Variants in WRAP73 observed in about 807,000 individuals in gnomAD.
WRAP73 encodes the protein WD repeat containing, antisense to TP73, also known as WD repeat-containing protein WRAP73.
In WRAP73, 55 loss-of-function variants were observed where a neutral mutation model predicts 59.6. The observed-to-expected ratio is 0.92, with a 90% CI of 0.74 to 1.15. WRAP73 has a LOEUF of 1.15. Ranked by LOEUF, WRAP73 falls within the 50% of genes most tolerant of loss-of-function variation. The pLI, the probability that WRAP73 is intolerant of heterozygous loss-of-function variation, is 0.00. For missense variants in WRAP73, 592 were observed against 608.1 expected, an observed-to-expected ratio of 0.97 and a Z score of 0.28; for synonymous variants, 265 against 258.2, an observed-to-expected ratio of 1.03 and a Z score of -0.25.
intron 3 of WRAP73, among the ~76,000 whole-genome samples, chr1:3,640,236 C>T (rs527886371): frequency 2.6e-5 from 4 of 152,258 alleles, no homozygotes; most frequent in Non-Finnish European, 5.9e-5. Flanking sequence ...GCACAGAGCA[C>T]TTGCTCCTCT....
At chr1:3,631,848 G>C (rs141088279) in intron 10 of WRAP73, 191 bp from the exon 11 acceptor site, 4 of 1,408,326 alleles carry the variant, frequency 2.8e-6, no homozygotes, top group Non-Finnish European at 3.7e-6. Flanking sequence ...TGGCCATCAC[G>C]GGCTGTAAGG....
intron 1 of WRAP73, among the ~76,000 whole-genome samples, chr1:3,648,156 C>T (rs112891893): frequency 4.6e-5 from 7 of 152,300 alleles, no homozygotes; most frequent in African/African-American, 1.7e-4. Flanking sequence ...TAACACGAAA[C>T]GGGAAATGTT....
chr1:3,640,517 GCAGCGCCCGAGGCTCT>G (rs1644631197), intron 3 of WRAP73, among the ~76,000 whole-genome samples: 1 of 30,852 alleles, frequency 3.2e-5, no homozygotes, highest in Non-Finnish European at 7.0e-5. Context: ...AGGGCGGGGT[GCAGCGCCCGAGGCTCT>G]GAGCATCAGC....
At chr1:3,631,264 C>T in intron 11 of WRAP73, 147 bp from the exon 12 acceptor site, 1 of 1,390,910 alleles carries the variant, frequency 7.2e-7, no homozygotes. Flanking sequence ...TGCCTCAAGT[C>T]AGGGAGAGGC....
At chr1:3,632,452 G>C (rs930282259) in intron 9 of WRAP73, 114 bp from the exon 10 acceptor site, 2 of 1,554,556 alleles carry the variant, frequency 1.3e-6, no homozygotes, top group African/African-American at 1.4e-5. Flanking sequence ...TCTGTTCAAA[G>C]GGGAGGAAAG....
chr1:3,632,838 C>A lies in WRAP73; in HGVS notation c.923-500G>T, dbSNP rs940209834. On this transcript the variant is annotated intron_variant, in intron 9 of 11. Transcript: ENST00000270708. ...GTGTGCCAGGCTGCACCTGTCCTGA[C>A]CCCCATCCTGAGCACACACCGAGCC... 23 of 229,584 alleles carry A rather than the reference C, an allele frequency of 1.0e-4. No individual in the cohort carries two copies. In the East Asian group the frequency reaches 2.9e-3, roughly 29 times the overall value. 14.2% of individuals were successfully genotyped at this position (229,584 alleles called of 1,614,324 possible). A position where few individuals can be genotyped will look rare whatever the true frequency, so the allele number is the denominator to read the frequency against.
rs534595184 is a variant in WRAP73 at position 3,646,694 on chromosome 1, C to T, written c.311G>A (p.Arg104His). The change falls in exon 3 of 12, where the codon CGC (arginine) becomes CAC (histidine). Residue 104 changes from arginine (R) to histidine (H), a missense_variant. Arg to His is a conservative substitution (Grantham distance 29, BLOSUM62 0). Transcript: ENST00000270708. The surrounding 1 kb of genome is among the most constrained non-coding windows in gnomAD (Gnocchi z 5.1). ...GAATTCCGTGGTGTTGAGAATGTGG[C>T]GCCCGTCCGGGCTCCAGCACGAGGC... The part of the protein sequence containing the change: ...LVASCWSPDG[R>H]HILNTTEFHL... 11 of 1,605,192 alleles carry T rather than the reference C, an allele frequency of 6.9e-6. No homozygotes were observed. The highest frequency in any genetic ancestry group is 1.7e-4 in the Middle Eastern group (1 of 6,038).
chr1:3,639,040 GT>G lies in WRAP73; in HGVS notation c.340-219del. On this transcript the variant is annotated intron_variant, in intron 3 of 11. Transcript: ENST00000270708. This position sits in a 1 kb window ranked among gnomAD's most constrained non-coding sequence, Gnocchi z 4.3. ...GTGTTCTTGGTTTTCTGTTGTTGTTGTTTTATACCAAAATTGAGTGACACAA... is the reference window on the plus strand; with the variant it reads ...GTGTTCTTGGTTTTCTGTTGTTGTTGTTTATACCAAAATTGAGTGACACAA... 1.9e-6 allele frequency: 1 copy of G among 527,282 alleles called. No homozygotes were observed. Among genetic ancestry groups the G allele is most frequent in the Non-Finnish European group, 3.3e-6 (1 of 303,760 alleles). The allele number at this position is 527,282 out of a possible 1,614,324, so 32.7% of individuals were successfully genotyped here.
chr1:3,638,638 G>GGCT, intron 4 of WRAP73, 112 bp downstream of exon 4: 1 of 1,106,220 alleles, frequency 9.0e-7, no homozygotes, highest in East Asian at 2.4e-5. Context: ...CAAGGGGGTT[G>GGCT]GCTATGTGTT....
intron 4 of WRAP73, among the ~76,000 whole-genome samples, chr1:3,637,867 A>C (rs1402137828): frequency 6.6e-6 from 1 of 152,196 alleles, no homozygotes; most frequent in Non-Finnish European, 1.5e-5. Context: ...ATGTGGAAGA[A>C]ACTTTAGTTG....
chr1:3,635,753 C>T (rs919000760), intron 6 of WRAP73, 191 bp downstream of exon 6: 4 of 569,176 alleles, frequency 7.0e-6, no homozygotes, highest in African/African-American at 5.7e-5. Flanking sequence ...TCCAGGAGGT[C>T]GAGGCTGCAG....
intron 1 of WRAP73, 90 bp from the exon 2 acceptor site, chr1:3,647,650 G>A: frequency 7.0e-7 from 1 of 1,428,882 alleles, no homozygotes; most frequent in African/African-American, 1.4e-5. Flanking sequence ...TTCAGTGACT[G>A]TGGCCTTCTC....
intron 9 of WRAP73, 143 bp downstream of exon 9, chr1:3,633,255 A>G (rs1027130288): frequency 1.7e-5 from 13 of 774,002 alleles, no homozygotes; most frequent in Non-Finnish European, 2.4e-5. Context: ...TCCAGCCAAC[A>G]GGCTGAGGGG....
chr1:3,635,105 A>C (rs757569762), intron 7 of WRAP73, 31 bp from the exon 8 acceptor site: 33 of 1,614,066 alleles, frequency 2.0e-5, no homozygotes, highest in Non-Finnish European at 2.5e-5. Flanking sequence ...CAGGTGAGGC[A>C]GGGCCCGGCC....
Position 3,635,987 on chromosome 1 carries a change from G to A in WRAP73, c.560C>T (p.Ala187Val). The change falls in exon 6 of 12, where the codon GCC (alanine) becomes GTC (valine). Residue 187 changes from alanine to valine, a missense_variant. Physicochemically the swap from Ala to Val is moderately conservative, Grantham distance 64. Transcript: ENST00000270708. Reference protein sequence around the residue: ...DTQDLTGIEWAPNGCVLAVWD... With the variant: ...DTQDLTGIEWVPNGCVLAVWD... The stretch of plus-strand genomic sequence containing the variant: ...CACTGCCAGCACACAGCCGTTTGGG[G>A]CCCACTCAATCCCTGTGAGATCCTG... The A allele has an allele frequency of 1.9e-6, 3 of 1,613,948 alleles. No homozygotes were observed. Among genetic ancestry groups the A allele is most frequent in the Non-Finnish European group, 2.5e-6 (3 of 1,180,000 alleles).
chr1:3,642,725 G>A (rs1321206027), intron 3 of WRAP73, among the ~76,000 whole-genome samples: 8 of 127,104 alleles, frequency 6.3e-5, no homozygotes, highest in South Asian at 2.7e-4. Flanking sequence ...GGACAAGAGC[G>A]AAACTCCATC....
At position 3,633,430 on chromosome 1, in the gene WRAP73, C is replaced by G. The variant is rs1036051916; in HGVS notation, c.890G>C (p.Gly297Ala). ...CTCTGAGCTCGGGAGAGGGCCGGCC[C>G]CGGCCCGGGGCGGCGGGAAGGAGAG... ...GCLSFPPPRA[G>A]AGPLPSSESK... Residue 297 changes from glycine (G) to alanine (A), a missense_variant, in exon 9 of 12, where the codon GGG becomes GCG. Transcript: ENST00000270708. 15 of 1,612,312 alleles carry G rather than the reference C, an allele frequency of 9.3e-6. No homozygotes were observed. The highest frequency in any genetic ancestry group is 2.2e-5 in the East Asian group (1 of 44,884).
chr1:3,632,407 G>A, intron 9 of WRAP73, 69 bp from the exon 10 acceptor site: 2 of 1,610,156 alleles, frequency 1.2e-6, no homozygotes, highest in Non-Finnish European at 1.7e-6. Context: ...CTGAGAGGCT[G>A]CTGTGCCTGC....
At chr1:3,631,953 C>G in intron 10 of WRAP73, 1 of 1,401,778 alleles carries the variant, frequency 7.1e-7, no homozygotes, top group Non-Finnish European at 9.2e-7. Flanking sequence ...GCAGTGTGCC[C>G]AGCCCTGCTT....
Sources: allele counts gnomAD v4.1 joint callset (sites outside exome capture counted in the v4.1 genomes callset), GRCh38; gene constraint gnomAD v4.1.1; non-coding constraint Gnocchi (gnomAD v3.1); transcripts MANE v1.5; gene names NCBI Gene and HGNC (gene_info 2026-07-23, HGNC 2026-07-21).